Variants in EYA2 observed in about 807,000 individuals in gnomAD.
EYA2 encodes protein phosphatase EYA2.
A neutral mutation model predicts 69.2 loss-of-function variants in EYA2; 31 were observed. The observed-to-expected ratio is 0.45, with a 90% CI of 0.34 to 0.60. The LOEUF is 0.60. EYA2 is among the 20% of genes least tolerant of loss of function. The pLI is 0.02. For synonymous variants in EYA2, 257 were observed against 279.4 expected (o/e 0.92, Z 0.80); for missense variants, 622 against 701.2 (o/e 0.89, Z 1.28).
chr20:46,900,148 T>C (rs1433421088), intron 1 of EYA2, among the ~76,000 whole-genome samples: 2 of 152,216 alleles, frequency 1.3e-5, no homozygotes, highest in African/African-American at 2.4e-5. Context: ...TTCCCAGATG[T>C]AATAGATACG....
Position 47,085,625 on chromosome 20 carries a change from A to G in EYA2, c.662-3614A>G, listed in dbSNP as rs182514581. Among the ~76,000 whole-genome samples the G allele has an allele frequency of 4.7e-4, 72 of 151,930 alleles. No homozygotes were observed. The East Asian group carries it at 0.013, about 27-fold the overall frequency. ...CTCACCACTGCACTCCAGGCTGGCA[A>G]CAGAGGGAGACTCTGTCTCAAAAAA... On this transcript the variant is annotated intron_variant, in intron 7 of 15. Coordinates refer to ENST00000327619, the MANE Select transcript of EYA2 (RefSeq NM_005244.5).
chr20:47,163,325 C>T (rs889980009), intron 10 of EYA2, among the ~76,000 whole-genome samples: 2 of 152,168 alleles, frequency 1.3e-5, no homozygotes, highest in Non-Finnish European at 2.9e-5. Context: ...GCCACCGCGC[C>T]CAGCCGGATG....
intron 12 of EYA2, among the ~76,000 whole-genome samples, chr20:47,179,479 ATGGGTGGATGGATGGATAT>A (rs1418805556): frequency 8.2e-6 from 1 of 121,228 alleles, no homozygotes; most frequent in African/African-American, 3.1e-5. Flanking sequence ...AGATGGATGG[ATGGGTGGATGGATGGATAT>A]TGGGTGGATG....
intron 9 of EYA2, among the ~76,000 whole-genome samples, chr20:47,132,411 G>A (rs1228959848): frequency 6.6e-6 from 1 of 152,206 alleles, no homozygotes; most frequent in Non-Finnish European, 1.5e-5. Flanking sequence ...CTCAGCGGGA[G>A]AAGTCTTCTG....
chr20:46,977,715 T>G (rs1348253567), intron 1 of EYA2, among the ~76,000 whole-genome samples: 1 of 152,202 alleles, frequency 6.6e-6, no homozygotes. Flanking sequence ...CTTCTAGCCT[T>G]TGCAAAGGAA....
At chr20:47,026,990 C>T (rs1301062160) in intron 5 of EYA2, among the ~76,000 whole-genome samples, 1 of 99,936 alleles carries the variant, frequency 1.0e-5, no homozygotes. Context: ...ATGCCCACAT[C>T]TTGCAGTCTT....
At chr20:46,983,080 T>C (rs1980943581) in intron 1 of EYA2, among the ~76,000 whole-genome samples, 1 of 152,150 alleles carries the variant, frequency 6.6e-6, no homozygotes, top group Admixed American at 6.5e-5. Context: ...ACCAGTAATT[T>C]CCATTTTTAA....
At chr20:46,956,627 A>G (rs1166543157) in intron 1 of EYA2, among the ~76,000 whole-genome samples, 2 of 152,218 alleles carry the variant, frequency 1.3e-5, no homozygotes, top group African/African-American at 4.8e-5. Context: ...CTCATGGTCC[A>G]TTAGCCGGAA....
chr20:47,040,400 T>C (rs1434100623), intron 5 of EYA2, among the ~76,000 whole-genome samples: 1 of 152,232 alleles, frequency 6.6e-6, no homozygotes, highest in Non-Finnish European at 1.5e-5. Flanking sequence ...ATGGGGGATC[T>C]TGGGCAAGCT....
At chr20:46,962,439 T>C (rs2146289371) in intron 1 of EYA2, among the ~76,000 whole-genome samples, 1 of 152,342 alleles carries the variant, frequency 6.6e-6, no homozygotes, top group Admixed American at 6.5e-5. Flanking sequence ...CACTGTACCC[T>C]ATAAATATAT....
At chr20:46,976,448 C>T (rs1409982153) in intron 1 of EYA2, among the ~76,000 whole-genome samples, 5 of 152,164 alleles carry the variant, frequency 3.3e-5, no homozygotes, top group South Asian at 4.1e-4. Flanking sequence ...TGCAGTGGTG[C>T]GATCTAGGCT....
At chr20:47,085,109 T>G (rs1446065847) in intron 7 of EYA2, among the ~76,000 whole-genome samples, 1 of 151,816 alleles carries the variant, frequency 6.6e-6, no homozygotes, top group Non-Finnish European at 1.5e-5. Flanking sequence ...AGTGCTAGGA[T>G]TACAGGCATG....
chr20:47,122,794 G>A (rs756329447), intron 9 of EYA2, among the ~76,000 whole-genome samples: 3 of 152,200 alleles, frequency 2.0e-5, no homozygotes, highest in African/African-American at 4.8e-5. Flanking sequence ...ACACCCATTC[G>A]TTTACATCTT....
chr20:47,139,579 G>A (rs375923399), intron 9 of EYA2, among the ~76,000 whole-genome samples: 87 of 152,180 alleles, frequency 5.7e-4, no homozygotes, highest in Admixed American at 1.2e-3. Flanking sequence ...ACAGGCATGC[G>A]CCACCACACC....
At chr20:47,136,350 G>A (rs1425584432) in intron 9 of EYA2, among the ~76,000 whole-genome samples, 1 of 151,892 alleles carries the variant, frequency 6.6e-6, no homozygotes, top group Non-Finnish European at 1.5e-5. Context: ...AAAGATTTTT[G>A]TATACTCTTA....
At chr20:47,172,664 A>G in intron 11 of EYA2, 43 bp from the exon 12 acceptor site, 2 of 1,547,396 alleles carry the variant, frequency 1.3e-6, no homozygotes, top group Non-Finnish European at 1.7e-6. Context: ...GATGCCCTGC[A>G]CCCCCCTGCA....
intron 6 of EYA2, among the ~76,000 whole-genome samples, chr20:47,073,949 C>A (rs991913362): frequency 3.3e-5 from 5 of 152,068 alleles, no homozygotes; most frequent in South Asian, 2.1e-4. Flanking sequence ...TTCCCCGATC[C>A]CCTGCTGGTG....
rs73911843 is a variant in EYA2 at position 46,990,191 on chromosome 20, A to G, written c.109+72A>G. The G allele has an allele frequency of 9.6e-4, 764 of 796,594 alleles. 2 individuals are homozygous for G. The African/African-American group carries it at 0.012, about 12-fold the overall frequency. The allele number at this position is 796,594 out of a possible 1,614,324, so 49.3% of individuals were successfully genotyped here. On this transcript the variant is annotated intron_variant, in intron 2 of 15. Transcript: ENST00000327619. ...GGTCACCCTGAGAATATCGTAAGCAACAGACACGCATCCTTTCCAAAGTAC... is the reference window on the plus strand; with the variant it reads ...GGTCACCCTGAGAATATCGTAAGCAGCAGACACGCATCCTTTCCAAAGTAC...
At chr20:47,094,883 A>G (rs540422520) in intron 8 of EYA2, among the ~76,000 whole-genome samples, 1 of 152,178 alleles carries the variant, frequency 6.6e-6, no homozygotes, top group South Asian at 2.1e-4. Flanking sequence ...AAGATCAAAA[A>G]TTAGCCAGGC....
Sources: gnomAD v4.1 joint callset for allele counts (sites outside exome capture counted in the v4.1 genomes callset) on GRCh38, gnomAD v4.1.1 for gene constraint, MANE v1.5 for transcripts, NCBI Gene and HGNC (gene_info 2026-07-23, HGNC 2026-07-21) for gene names.